GDPD5: variants seen among roughly 807,000 people sequenced by gnomAD.
GDPD5 encodes the protein glycerophosphodiester phosphodiesterase domain containing 5, also known as glycerophosphodiester phosphodiesterase 2.
GDPD5 carries 48 observed loss-of-function variants against 75.1 expected under a neutral mutation model. The observed-to-expected ratio is 0.64, with a 90% CI of 0.51 to 0.81. GDPD5 has a LOEUF of 0.81. GDPD5 is among the 40% of genes least tolerant of loss of function. The pLI, the probability that GDPD5 is intolerant of heterozygous loss-of-function variation, is 0.00. For missense variants in GDPD5, 706 were observed against 822.6 expected (o/e 0.86, Z 1.73); for synonymous variants, 336 against 339.0 (o/e 0.99, Z 0.10).
At chr11:75,506,827 TGA>T (rs1358124950) in intron 1 of GDPD5, 19 of 152,032 alleles carry the variant, frequency 1.2e-4, no homozygotes, top group Admixed American at 9.2e-4. Context: ...ATTTGGGAAC[TGA>T]AAGAGTCCAC....
intron 5 of GDPD5, 33 bp downstream of exon 5, chr11:75,457,660 G>A (rs771369618): frequency 6.3e-7 from 1 of 1,598,848 alleles, no homozygotes; most frequent in Non-Finnish European, 8.6e-7. Context: ...CCTGGGAGCA[G>A]GGCCACCTGC....
chr11:75,459,427 C>T (rs1949364358), intron 4 of GDPD5, among the ~76,000 whole-genome samples: 1 of 151,916 alleles, frequency 6.6e-6, no homozygotes, highest in Non-Finnish European at 1.5e-5. Flanking sequence ...TCTCAGCCTC[C>T]CCAGTACCTG....
At chr11:75,481,321 A>G (rs550043133) in intron 2 of GDPD5, among the ~76,000 whole-genome samples, 1 of 152,292 alleles carries the variant, frequency 6.6e-6, no homozygotes, top group Admixed American at 6.5e-5. Flanking sequence ...CCACCACCCA[A>G]TGCTGACTTC....
rs767144367 is a variant in GDPD5 at position 75,477,706 on chromosome 11, G to A, written c.30C>T (p.Tyr10=). The change falls in exon 3 of 17, where the codon TAC becomes TAT. Residue 10 remains tyrosine (Y), a synonymous_variant. Transcript: ENST00000336898. MVRHQPLQY[Y]EPQLCLSCLT... is the part of the protein sequence containing the mutation. ...GGCAGGAGAGGCACAGCTGTGGCTC[G>A]TAGTACTGCAGGGGCTGGTGTCTCA... The A allele has an allele frequency of 1.0e-5, 16 of 1,593,694 alleles. 1 individual carries two copies. The highest frequency in any genetic ancestry group is 4.5e-5 in the South Asian group (4 of 89,522).
chr11:75,466,113 G>A (rs1949510056), intron 3 of GDPD5, among the ~76,000 whole-genome samples: 1 of 152,236 alleles, frequency 6.6e-6, no homozygotes, highest in Non-Finnish European at 1.5e-5. Flanking sequence ...GTGGTTGGGG[G>A]TGAGGCATCC....
chr11:75,511,966 C>T (rs187541432), intron 1 of GDPD5, among the ~76,000 whole-genome samples: 1 of 152,242 alleles, frequency 6.6e-6, no homozygotes, highest in Non-Finnish European at 1.5e-5. Context: ...GTAATGCAAG[C>T]AGAGGCAGAT....
intron 1 of GDPD5, chr11:75,508,041 C>T (rs1950440939): frequency 6.6e-6 from 1 of 151,914 alleles, no homozygotes; most frequent in African/African-American, 2.4e-5. Context: ...GAATTAGGTA[C>T]TTGTTCCCTC....
chr11:75,484,725 AAAT>A (rs1949986842), intron 2 of GDPD5, among the ~76,000 whole-genome samples: 1 of 152,180 alleles, frequency 6.6e-6, no homozygotes. Context: ...ATCTCTAAAA[AAAT>A]AAATAATAAT....
At chr11:75,507,923 C>G (rs1234575673) in intron 1 of GDPD5, among the ~76,000 whole-genome samples, 1 of 152,178 alleles carries the variant, frequency 6.6e-6, no homozygotes, top group Non-Finnish European at 1.5e-5. Flanking sequence ...TCTGGGCCAT[C>G]ATCCCCCAAC....
At chr11:75,439,735 G>T in intron 15 of GDPD5, 144 bp downstream of exon 15, 1 of 690,374 alleles carries the variant, frequency 1.4e-6, no homozygotes, top group South Asian at 1.6e-5. Flanking sequence ...GGGAGGATGG[G>T]GCCACCGGAG....
chr11:75,444,780 A>C (rs1948945072), intron 9 of GDPD5, among the ~76,000 whole-genome samples: 1 of 152,160 alleles, frequency 6.6e-6, no homozygotes, highest in African/African-American at 2.4e-5. Flanking sequence ...CACTTGACAC[A>C]TGGTAGCTAT....
chr11:75,436,506 G>A (rs1021752412), intron 16 of GDPD5, among the ~76,000 whole-genome samples: 1 of 129,864 alleles, frequency 7.7e-6, no homozygotes, highest in African/African-American at 3.0e-5. Context: ...GCAGGAACTC[G>A]ACTTTCCCTG....
chr11:75,495,093 C>T (rs1950185983), intron 1 of GDPD5, among the ~76,000 whole-genome samples: 1 of 152,004 alleles, frequency 6.6e-6, no homozygotes, highest in African/African-American at 2.4e-5. Flanking sequence ...TGATGAAACC[C>T]CGTCTCTACT....
chr11:75,465,772 C>T (rs1949502397), intron 3 of GDPD5, among the ~76,000 whole-genome samples: 1 of 152,144 alleles, frequency 6.6e-6, no homozygotes, highest in South Asian at 2.1e-4. Context: ...CTCTGACCAG[C>T]AGAGAAGGTT....
chr11:75,508,607 T>C (rs2135476762), intron 1 of GDPD5, among the ~76,000 whole-genome samples: 1 of 152,318 alleles, frequency 6.6e-6, no homozygotes, highest in Admixed American at 6.5e-5. Context: ...GTTTGTTCAC[T>C]GGGATCTTAT....
At chr11:75,510,162 C>T (rs78505476) in intron 1 of GDPD5, among the ~76,000 whole-genome samples, 1 of 152,240 alleles carries the variant, frequency 6.6e-6, no homozygotes, top group Non-Finnish European at 1.5e-5. Context: ...GGCTGTCCCC[C>T]ACTCAGGGCA....
intron 11 of GDPD5, 56 bp from the exon 12 acceptor site, chr11:75,442,637 A>G: frequency 1.3e-6 from 2 of 1,534,042 alleles, no homozygotes; most frequent in Admixed American, 3.5e-5. Flanking sequence ...GGGGGCCCCC[A>G]CATACCCTTC....
rs149381633 is a variant in GDPD5 at position 75,523,336 on chromosome 11, G to A, written c.-145+1874C>T. 2.1e-3 allele frequency among the ~76,000 whole-genome samples: 319 copies of A among 152,268 alleles called. 1 individual carries two copies. Among genetic ancestry groups the A allele is most frequent in the African/African-American group, 7.0e-3 (292 of 41,532 alleles). On this transcript the variant is annotated intron_variant, in intron 1 of 16. Coordinates refer to ENST00000336898, the MANE Select transcript of GDPD5 (RefSeq NM_030792.8). ...GTGGCTCGAGGCTGCCGCTTAGCCC[G>A]TCTGGGTAACTTCCAGGGCACCTGG...
intron 2 of GDPD5, among the ~76,000 whole-genome samples, chr11:75,483,356 A>G (rs1949958966): frequency 2.0e-5 from 3 of 152,172 alleles, no homozygotes; most frequent in African/African-American, 7.2e-5. Flanking sequence ...GATGGAATAA[A>G]CACGCACTAT....
Sources: allele counts gnomAD v4.1 joint callset (sites outside exome capture counted in the v4.1 genomes callset), GRCh38; gene constraint gnomAD v4.1.1; transcripts MANE v1.5; gene names NCBI Gene and HGNC (gene_info 2026-07-23, HGNC 2026-07-21).